PLEKHM3: variants seen among roughly 807,000 people sequenced by gnomAD.
PLEKHM3 encodes the protein pleckstrin homology domain-containing family M member 3.
In PLEKHM3, 45 loss-of-function variants were observed where a neutral mutation model predicts 81.8. The observed-to-expected ratio is 0.55, with a 90% confidence interval of 0.43 to 0.71. PLEKHM3 has a LOEUF of 0.71. Among genes scored for constraint, PLEKHM3 ranks in the 30% least tolerant of loss-of-function variants. The pLI is 0.00. For synonymous variants in PLEKHM3, 352 were observed against 356.4 expected (o/e 0.99, Z 0.14); for missense variants, 788 against 924.3 (o/e 0.85, Z 1.91).
At chr2:207,906,370 G>A (rs938047031) in intron 6 of PLEKHM3, among the ~76,000 whole-genome samples, 2 of 152,214 alleles carry the variant, frequency 1.3e-5, no homozygotes, top group Non-Finnish European at 2.9e-5. Context: ...CAGGACCAAA[G>A]GAGTTGGGAG....
chr2:207,977,168 G>A lies in PLEKHM3; in HGVS notation c.1029C>T (p.Thr343=). ...YTQNHSFQKK[T]SGLLPPSPVL... ...CAGGGGACGGTGGCAGCAGCCCACTGGTTTTCTTCTGGAAACTATGATTCT... is the reference window on the plus strand; with the variant it reads ...CAGGGGACGGTGGCAGCAGCCCACTAGTTTTCTTCTGGAAACTATGATTCT... The change falls in exon 3 of 8, where the codon ACC becomes ACT. Residue 343 remains threonine (T), a synonymous_variant. Coordinates refer to ENST00000427836, the MANE Select transcript of PLEKHM3 (RefSeq NM_001080475.3). 6.2e-7 allele frequency: 1 copy of A among 1,614,148 alleles called. No homozygotes were observed.
chr2:207,974,955 C>T (rs371068929), intron 3 of PLEKHM3, among the ~76,000 whole-genome samples: 17 of 151,980 alleles, frequency 1.1e-4, no homozygotes, highest in East Asian at 3.9e-4. Flanking sequence ...CTCAGCCTCC[C>T]GAGTAGCTGG....
intron 1 of PLEKHM3, among the ~76,000 whole-genome samples, chr2:208,011,276 G>A (rs376452277): frequency 6.6e-6 from 1 of 152,266 alleles, no homozygotes; most frequent in East Asian, 1.9e-4. Context: ...ATACGAAAAA[G>A]ACACTTGCAC....
intron 6 of PLEKHM3, among the ~76,000 whole-genome samples, chr2:207,891,429 T>G (rs1266438984): frequency 6.6e-6 from 1 of 152,188 alleles, no homozygotes; most frequent in Non-Finnish European, 1.5e-5. Context: ...AACTGAGGCA[T>G]AAGTTTAAAT....
intron 2 of PLEKHM3, among the ~76,000 whole-genome samples, chr2:207,984,789 T>C (rs1385730129): frequency 6.6e-6 from 1 of 152,220 alleles, no homozygotes; most frequent in African/African-American, 2.4e-5. Context: ...CCTCCTTTTT[T>C]TCATGCCATG....
intron 3 of PLEKHM3, among the ~76,000 whole-genome samples, chr2:207,952,405 G>A (rs1055406843): frequency 2.0e-5 from 3 of 152,262 alleles, no homozygotes; most frequent in African/African-American, 7.2e-5. Flanking sequence ...CTTCAGACCA[G>A]ATTTCCCAAA....
intron 6 of PLEKHM3, among the ~76,000 whole-genome samples, chr2:207,872,111 C>G (rs1157520915): frequency 1.3e-5 from 2 of 152,178 alleles, no homozygotes; most frequent in African/African-American, 4.8e-5. Context: ...CAACTTCTGA[C>G]TCACTTTCTT....
Position 207,952,459 on chromosome 2 carries a change from C to T in PLEKHM3, c.1547-5947G>A, listed in dbSNP as rs77421888. ...GCAGGTTCAAGGACTTGCTATTTTA[C>T]AAGGATTAGGGGTTAAAGTCATAAA... On this transcript the variant is annotated intron_variant, in intron 3 of 7. Coordinates refer to ENST00000427836, the MANE Select transcript of PLEKHM3 (RefSeq NM_001080475.3). Among the ~76,000 whole-genome samples the T allele has an allele frequency of 9.2e-3, 1,408 of 152,242 alleles. 24 individuals are homozygous for T. The highest frequency in any genetic ancestry group is 0.033 in the African/African-American group (1,351 of 41,536).
chr2:207,884,579 A>T (rs12105960), intron 6 of PLEKHM3, among the ~76,000 whole-genome samples: 3,322 of 152,308 alleles, frequency 0.022, 125 homozygotes, highest in African/African-American at 0.075. Flanking sequence ...GCTCAGAGTT[A>T]TGGAAAAGCT....
intron 5 of PLEKHM3, among the ~76,000 whole-genome samples, chr2:207,913,574 T>A (rs1688879977): frequency 6.6e-6 from 1 of 152,044 alleles, no homozygotes; most frequent in East Asian, 1.9e-4. Flanking sequence ...CAGGAATCCA[T>A]CAGTGACCTC....
intron 7 of PLEKHM3, among the ~76,000 whole-genome samples, chr2:207,841,329 G>C (rs953274298): frequency 2.0e-5 from 3 of 150,730 alleles, no homozygotes; most frequent in Non-Finnish European, 3.0e-5. Flanking sequence ...GCCGGGCTTG[G>C]TGATGTTCAC....
chr2:207,917,975 T>C (rs1193200665), intron 5 of PLEKHM3, among the ~76,000 whole-genome samples: 1 of 152,186 alleles, frequency 6.6e-6, no homozygotes, highest in Non-Finnish European at 1.5e-5. Flanking sequence ...CTTGATTTTT[T>C]AGGGGGTGAG....
chr2:207,830,289 T>G (rs1468504809), intron 7 of PLEKHM3, among the ~76,000 whole-genome samples: 1 of 152,036 alleles, frequency 6.6e-6, no homozygotes, highest in African/African-American at 2.4e-5. Context: ...TGACTATATT[T>G]GGAGATACCA....
chr2:207,925,072 G>C (rs952454251), intron 5 of PLEKHM3, among the ~76,000 whole-genome samples: 1 of 152,094 alleles, frequency 6.6e-6, no homozygotes, highest in African/African-American at 2.4e-5. Flanking sequence ...GGGCAAAAGG[G>C]AAATGGAGAC....
At position 207,821,747 on chromosome 2, in the gene PLEKHM3, T is replaced by C. The variant is rs1575253057; in HGVS notation, c.*6572A>G. 1 of 151,946 alleles carries C rather than the reference T, an allele frequency of 6.6e-6. No individual in the cohort carries two copies. Among genetic ancestry groups the C allele is most frequent in the Non-Finnish European group, 1.5e-5 (1 of 68,010 alleles). The allele number at this position is 151,946 out of a possible 1,614,324, so 9.4% of individuals were successfully genotyped here. A position where few individuals can be genotyped will look rare whatever the true frequency, so the allele number is the denominator to read the frequency against. On this transcript the variant is annotated 3_prime_UTR_variant, in exon 8 of 8. Coordinates refer to ENST00000427836, the MANE Select transcript of PLEKHM3 (RefSeq NM_001080475.3). Reference sequence around the variant, plus strand: ...TCTCCTTTAAAAAAAAAAGTATATATATATATTTTTCAAAGAGATGAGGGT... The same window carrying C: ...TCTCCTTTAAAAAAAAAAGTATATACATATATTTTTCAAAGAGATGAGGGT...
At chr2:207,863,597 C>A (rs1026144245) in intron 6 of PLEKHM3, among the ~76,000 whole-genome samples, 2 of 152,222 alleles carry the variant, frequency 1.3e-5, no homozygotes, top group Non-Finnish European at 2.9e-5. Flanking sequence ...TGCCACCCGG[C>A]GTGCTGGGCC....
chr2:207,964,617 T>C (rs1192387463), intron 3 of PLEKHM3, among the ~76,000 whole-genome samples: 1 of 152,156 alleles, frequency 6.6e-6, no homozygotes, highest in Non-Finnish European at 1.5e-5. Flanking sequence ...AAAAGATTTT[T>C]CACACCCAGA....
intron 7 of PLEKHM3, among the ~76,000 whole-genome samples, chr2:207,848,868 A>G (rs1293655274): frequency 3.3e-5 from 5 of 152,210 alleles, no homozygotes; most frequent in African/African-American, 1.2e-4. Flanking sequence ...GATGAAAGCA[A>G]TGGGGCTTGG....
At chr2:207,838,146 T>C (rs891782533) in intron 7 of PLEKHM3, among the ~76,000 whole-genome samples, 91 of 152,260 alleles carry the variant, frequency 6.0e-4, no homozygotes, top group African/African-American at 1.9e-3. Context: ...ACTGGAGGTT[T>C]ATCTGGTTCC....
Sources: gnomAD v4.1 joint callset for allele counts (sites outside exome capture counted in the v4.1 genomes callset) on GRCh38, gnomAD v4.1.1 for gene constraint, MANE v1.5 for transcripts, NCBI Gene and HGNC (gene_info 2026-07-23, HGNC 2026-07-21) for gene names.